The following TUBGCP5 variants were observed in gnomAD, a reference collection of about 807,000 sequenced individuals.
The protein encoded by TUBGCP5 is tubulin gamma complex component 5, also known as gamma-tubulin complex component 5.
A neutral mutation model predicts 134.7 loss-of-function variants in TUBGCP5; 98 were observed. The ratio of observed to expected loss-of-function variants is 0.73; its 90% CI spans 0.62 to 0.86. The LOEUF (loss-of-function observed/expected upper bound fraction) is 0.86. Ranked by LOEUF, TUBGCP5 falls within the 40% of genes least tolerant of loss-of-function variation. TUBGCP5 has a pLI of 0.00. For missense variants in TUBGCP5, 1,150 were observed against 1,244.8 expected (o/e 0.92, Z 1.15); for synonymous variants, 456 against 431.4 (o/e 1.06, Z -0.71).
At chr15:23,008,965 GT>G in intron 15 of TUBGCP5, 84 bp from the exon 16 acceptor site, 3 of 1,101,886 alleles carry the variant, frequency 2.7e-6, no homozygotes, top group Non-Finnish European at 3.8e-6. Context: ...TTTGTAACCT[GT>G]TTTTAGTGGA....
In TUBGCP5 at chr15:23,039,502, C is replaced by A; in HGVS notation, c.42G>T (p.Gln14His). The stretch of plus-strand genomic sequence containing the variant: ...CGAGCTCCCGCACGTCGCGCTCCTG[C>A]TGCGCGTCCAACCGACTCCACGGTG... ...HGPPWSRLDA[Q>H]QERDVRELVR... Residue 14 changes from glutamine (Q) to histidine (H), a missense_variant, in exon 1 of 23, where the codon CAG (glutamine) becomes CAT (histidine). Gln to His is a conservative substitution (Grantham distance 24). This residue lies in a region of TUBGCP5 where 453 missense variants were observed against 394.7 expected (regional missense o/e 1.15). Transcript: ENST00000615383. 2 of 1,511,262 alleles carry A rather than the reference C, an allele frequency of 1.3e-6. No homozygotes were observed. Among genetic ancestry groups the A allele is most frequent in the South Asian group, 2.5e-5 (2 of 80,132 alleles). The allele number at this position is 1,511,262 out of a possible 1,614,324, so 93.6% of individuals were successfully genotyped here.
chr15:23,037,053 G>A lies in TUBGCP5; in HGVS notation c.200+46C>T, dbSNP rs753527634. 1.4e-5 allele frequency: 23 copies of A among 1,598,386 alleles called. No homozygotes were observed. In the South Asian group the frequency reaches 2.6e-4, roughly 18 times the overall value. ...AAAGCTATCTTAAAAAGATCTATAA[G>A]AAAATACATATATTTCTGGATGCGT... On this transcript the variant is annotated intron_variant, in intron 2 of 22. Coordinates refer to ENST00000615383, the MANE Select transcript of TUBGCP5 (RefSeq NM_052903.6).
intron 22 of TUBGCP5, 56 bp from the exon 23 acceptor site, chr15:22,999,922 T>A (rs555244151): frequency 2.0e-4 from 303 of 1,529,062 alleles, no homozygotes; most frequent in Non-Finnish European, 2.5e-4. Context: ...TGAAAAAAAA[T>A]TTTTTTTGAA....
downstream of TUBGCP5, among the ~76,000 whole-genome samples, chr15:22,997,703 G>A (rs186987135): frequency 6.9e-3 from 1,039 of 149,994 alleles, 6 homozygotes; most frequent in Non-Finnish European, 0.011. Context: ...TGCAACCTCC[G>A]GCCACCCAGG....
In TUBGCP5 at chr15:23,013,248, C is replaced by T. The variant is rs995268522; in HGVS notation, c.1757-1917G>A. On this transcript the variant is annotated intron_variant, in intron 13 of 22. Transcript: ENST00000615383. The surrounding 1 kb of genome is among the most constrained non-coding windows in gnomAD (Gnocchi z 4.5). ...CGGGCGGATCATGAGGTCAGGGGAT[C>T]GAGACCATACTGGCTAGTATGGTAA... 5.9e-5 allele frequency among the ~76,000 whole-genome samples: 9 copies of T among 151,772 alleles called. No homozygotes were observed. The highest frequency in any genetic ancestry group is 1.3e-4 in the Admixed American group (2 of 15,236).
intron 13 of TUBGCP5, 122 bp downstream of exon 13, chr15:23,017,651 C>T (rs1595868880): frequency 3.2e-6 from 3 of 947,842 alleles, no homozygotes; most frequent in African/African-American, 3.3e-5. Context: ...ACGATAATTG[C>T]CACCGAAATA....
At chr15:23,036,288 T>G (rs1271017361) in intron 3 of TUBGCP5, among the ~76,000 whole-genome samples, 1 of 152,148 alleles carries the variant, frequency 6.6e-6, no homozygotes, top group African/African-American at 2.4e-5. Flanking sequence ...ACTTTGCACA[T>G]GTTGTCATAT....
At chr15:23,009,890 G>C in intron 15 of TUBGCP5, 55 bp downstream of exon 15, 1 of 1,511,680 alleles carries the variant, frequency 6.6e-7, no homozygotes. Flanking sequence ...AATCTCAACT[G>C]TTCTTCAAGT....
At chr15:22,987,624 C>T (rs577204093) in intron 23 of TUBGCP5, among the ~76,000 whole-genome samples, 12 of 151,698 alleles carry the variant, frequency 7.9e-5, no homozygotes, top group South Asian at 6.2e-4. Flanking sequence ...GGGCCAGGCG[C>T]GGTGGCTCAC....
At position 23,036,936 on chromosome 15, in the gene TUBGCP5, T is replaced by G; in HGVS notation, c.270A>C (p.Glu90Asp). ...KAASWKRLTE[E>D]FLNAPLPSIK... Reference sequence around the variant, plus strand: ...TACTGGGAAGTGGTGCATTTAGAAATTCCTCCGTTAATCTCTTCCAACTAG... The same window carrying G: ...TACTGGGAAGTGGTGCATTTAGAAAGTCCTCCGTTAATCTCTTCCAACTAG... Residue 90 changes from glutamate to aspartate, a missense_variant, in exon 3 of 23, where the codon GAA becomes GAC. Glu to Asp is a conservative substitution (Grantham distance 45). Coordinates refer to ENST00000615383, the MANE Select transcript of TUBGCP5 (RefSeq NM_052903.6). 1.9e-6 allele frequency: 3 copies of G among 1,612,744 alleles called. No individual in the cohort carries two copies. The highest frequency in any genetic ancestry group is 2.5e-6 in the Non-Finnish European group (3 of 1,179,306).
chr15:23,035,765 C>T (rs2066554831), intron 3 of TUBGCP5, among the ~76,000 whole-genome samples: 1 of 152,078 alleles, frequency 6.6e-6, no homozygotes, highest in Non-Finnish European at 1.5e-5. Flanking sequence ...TAACCAATCC[C>T]ACCTTGTGTA....
intron 3 of TUBGCP5, among the ~76,000 whole-genome samples, chr15:23,034,242 A>G (rs370663447): frequency 9.8e-5 from 15 of 152,312 alleles, no homozygotes; most frequent in African/African-American, 3.4e-4. Flanking sequence ...TAAGCCCCCA[A>G]TAAAAGCCCC....
At chr15:23,038,166 C>T (rs1259297925) in intron 1 of TUBGCP5, among the ~76,000 whole-genome samples, 2 of 152,170 alleles carry the variant, frequency 1.3e-5, no homozygotes, top group Non-Finnish European at 2.9e-5. Flanking sequence ...ATGTACATAG[C>T]ATAGCCTATG....
rs554058301 is a variant in TUBGCP5, at chr15:23,005,558, T to C, written c.2586A>G (p.Glu862=). ...GTCCGAACTGAGCAACTGTGTCTTG[T>C]TCATGTATAAGGCCTTCTTTAAGTC... The part of the protein sequence containing the change: ...KPRLKEGLIH[E]QDTVAQFGPQ... Residue 862 remains glutamate, a synonymous_variant, in exon 19 of 23, where the codon GAA becomes GAG. Transcript: ENST00000615383. The C allele has an allele frequency of 2.5e-6, 4 of 1,614,048 alleles. No homozygotes were observed. Among genetic ancestry groups the C allele is most frequent in the Non-Finnish European group, 3.4e-6 (4 of 1,180,028 alleles).
At chr15:22,998,176 G>A (rs1595805170), downstream of TUBGCP5, among the ~76,000 whole-genome samples, 2 of 151,894 alleles carry the variant, frequency 1.3e-5, no homozygotes, top group South Asian at 2.1e-4. Context: ...TTAGCTGGGC[G>A]TGGTGGTGCA....
intron 3 of TUBGCP5, among the ~76,000 whole-genome samples, chr15:23,033,072 G>T (rs1266779802): frequency 6.6e-6 from 1 of 152,114 alleles, no homozygotes; most frequent in Non-Finnish European, 1.5e-5. Flanking sequence ...CTGAGTGGAT[G>T]ACAGCTTTTT....
chr15:22,988,000 T>C (rs537353760), intron 23 of TUBGCP5, among the ~76,000 whole-genome samples: 7 of 149,390 alleles, frequency 4.7e-5, no homozygotes, highest in Admixed American at 1.3e-4. Context: ...AACCAGACAG[T>C]GGGACCTCAC....
At chr15:23,009,459 G>A (rs1380448533) in intron 15 of TUBGCP5, among the ~76,000 whole-genome samples, 1 of 151,878 alleles carries the variant, frequency 6.6e-6, no homozygotes, top group African/African-American at 2.4e-5. Context: ...TAGTAGAGAC[G>A]GGGTTTCACC....
chr15:22,990,191 C>T (rs1307077356), intron 23 of TUBGCP5, among the ~76,000 whole-genome samples: 1 of 152,136 alleles, frequency 6.6e-6, no homozygotes, highest in Non-Finnish European at 1.5e-5. Context: ...GCAATGCCAT[C>T]TTACTGAGAT....
Sources: allele counts gnomAD v4.1 joint callset (sites outside exome capture counted in the v4.1 genomes callset), GRCh38; gene constraint gnomAD v4.1.1; regional missense constraint gnomAD v4.1.1; non-coding constraint Gnocchi (gnomAD v3.1); transcripts MANE v1.5; gene names NCBI Gene and HGNC (gene_info 2026-07-23, HGNC 2026-07-21).